ERCC6L2: variants seen among roughly 807,000 people sequenced by gnomAD.
The protein encoded by ERCC6L2 is ERCC excision repair 6 like 2.
Under a neutral mutation model 132.0 loss-of-function variants are expected in ERCC6L2, and 77 were observed. That is an observed-to-expected ratio of 0.58 (90% CI 0.49 to 0.71). The LOEUF is 0.71. ERCC6L2 is among the 30% of genes least tolerant of loss of function. The pLI, the probability that ERCC6L2 is intolerant of heterozygous loss-of-function variation, is 0.00. For synonymous variants in ERCC6L2, 583 were observed against 632.4 expected, an observed-to-expected ratio of 0.92 and a Z score of 1.17; for missense variants, 1,542 against 1,837.6, an observed-to-expected ratio of 0.84 and a Z score of 2.94.
downstream of ERCC6L2, chr9:96,021,449 C>T (rs1222405062): frequency 1.7e-5 from 4 of 230,386 alleles, no homozygotes; most frequent in Non-Finnish European, 3.4e-5. The surrounding 1 kb of genome is among the most constrained non-coding windows in gnomAD (Gnocchi z 4.7). Context: ...GGGAGGGCGG[C>T]GCAGCCCTCT....
chr9:96,017,114 G>C lies in ERCC6L2; in HGVS notation c.*3911G>C, dbSNP rs1834198210. On this transcript the variant is annotated 3_prime_UTR_variant, in exon 19 of 19. Coordinates refer to ENST00000653738, the MANE Select transcript of ERCC6L2 (RefSeq NM_020207.7). ...ATTCCATCATCACGGATACAGACTTGTTTCTGGTTTCATCTTCCACCAGAG... is the reference window on the plus strand; with the variant it reads ...ATTCCATCATCACGGATACAGACTTCTTTCTGGTTTCATCTTCCACCAGAG... Among the ~76,000 whole-genome samples, 1 of 152,108 alleles carries C rather than the reference G, an allele frequency of 6.6e-6. No homozygotes were observed. Among genetic ancestry groups the C allele is most frequent in the South Asian group, 2.1e-4 (1 of 4,820 alleles).
chr9:95,968,748 A>G (rs192338239), intron 14 of ERCC6L2: 1 of 152,312 alleles, frequency 6.6e-6, no homozygotes, highest in East Asian at 1.9e-4. Context: ...AGTTCATTTT[A>G]CAAGTATTTG....
intron 2 of ERCC6L2, among the ~76,000 whole-genome samples, chr9:95,889,467 ATG>A (rs150280157): frequency 8.0e-5 from 12 of 150,718 alleles, no homozygotes; most frequent in Admixed American, 4.0e-4. Context: ...CTGTCAATAT[ATG>A]TGTGTGTGTG....
At chr9:95,967,890 A>G (rs1390643355) in intron 14 of ERCC6L2, 12 of 152,138 alleles carry the variant, frequency 7.9e-5, no homozygotes. Context: ...TCAGAGTACT[A>G]CTTGACATGC....
At chr9:95,921,689 G>A (rs689619) in intron 7 of ERCC6L2, among the ~76,000 whole-genome samples, 40,104 of 152,042 alleles carry the variant, frequency 0.26, 5,892 homozygotes, top group East Asian at 0.4. Context: ...TCTGATGTTA[G>A]ATATAGTGTC....
At chr9:95,933,238 G>A (rs7874897) in intron 11 of ERCC6L2, among the ~76,000 whole-genome samples, 2 of 151,958 alleles carry the variant, frequency 1.3e-5, no homozygotes, top group African/African-American at 2.4e-5. Flanking sequence ...CTTTAACTTC[G>A]TTTCTGCTTT....
intron 13 of ERCC6L2, among the ~76,000 whole-genome samples, chr9:95,959,120 C>A (rs1831770146): frequency 6.6e-6 from 1 of 152,040 alleles, no homozygotes; most frequent in Non-Finnish European, 1.5e-5. Context: ...TGCTACCTGA[C>A]TTCAAACTAT....
chr9:95,880,086 A>G (rs1827507851), intron 1 of ERCC6L2, among the ~76,000 whole-genome samples: 1 of 152,180 alleles, frequency 6.6e-6, no homozygotes, highest in Non-Finnish European at 1.5e-5. Flanking sequence ...AAGTTCATAA[A>G]GAGAGAGGTA....
chr9:96,039,032 C>T lies in ERCC6L2; in HGVS notation c.*1660C>T, dbSNP rs573723415. On this transcript the variant is annotated 3_prime_UTR_variant and NMD_transcript_variant, in exon 20 of 21. Transcript: ENST00000670016. ...CACCTTGGAGACAGCTCCCCCAGCC[C>T]CAACACACGCAGATGATCATGGTCC... 38 of 426,432 alleles carry T rather than the reference C, an allele frequency of 8.9e-5. No homozygotes were observed. In the Admixed American group the frequency reaches 9.9e-4, roughly 11 times the overall value. The allele number at this position is 426,432 out of a possible 1,614,324, so 26.4% of individuals were successfully genotyped here.
intron 3 of ERCC6L2, 101 bp from the exon 4 acceptor site, chr9:95,906,977 A>G (rs1829069727): frequency 5.2e-6 from 4 of 776,110 alleles, no homozygotes; most frequent in Non-Finnish European, 6.3e-6. Flanking sequence ...CTAGATGTCA[A>G]AATTAAGGAA....
At chr9:96,038,897 C>A (rs1173167088) in exon 20 of ERCC6L2, 2 of 456,208 alleles carry the variant, frequency 4.4e-6, no homozygotes, top group African/African-American at 4.0e-5. Flanking sequence ...CCTTCTCAAA[C>A]TTGTTCTGGA....
intron 18 of ERCC6L2, among the ~76,000 whole-genome samples, chr9:96,005,037 G>A (rs1833819992): frequency 6.6e-6 from 1 of 152,194 alleles, no homozygotes; most frequent in Admixed American, 6.5e-5. Context: ...AGGACAGCAG[G>A]GTGCGGTGGC....
intron 17 of ERCC6L2, among the ~76,000 whole-genome samples, chr9:95,994,653 G>C (rs576153916): frequency 1.1e-4 from 16 of 152,320 alleles, no homozygotes; most frequent in East Asian, 1.9e-4. Flanking sequence ...ATACAGATGA[G>C]CAGGGGAGAA....
intron 2 of ERCC6L2, among the ~76,000 whole-genome samples, chr9:95,894,156 A>G (rs1268030273): frequency 1.3e-5 from 2 of 152,234 alleles, no homozygotes; most frequent in Non-Finnish European, 2.9e-5. Flanking sequence ...CCTGTTTCAT[A>G]CTAAAGTGTT....
rs1181210073 is a variant in ERCC6L2, at chr9:95,907,214, G to A, written c.731G>A (p.Cys244Tyr). Reference sequence around the variant, plus strand: ...TTAATTCGTGTAAAGCAGAGGAAATGTGAAATTGCTCTAACAACTTATGAA... The same window carrying A: ...TTAATTCGTGTAAAGCAGAGGAAATATGAAATTGCTCTAACAACTTATGAA... ...NELIRVKQRK[C>Y]EIALTTYETL... Residue 244 changes from cysteine to tyrosine, a missense_variant, in exon 4 of 19, where the codon TGT becomes TAT. Cys to Tyr is a radical substitution (Grantham distance 194, BLOSUM62 -2). Coordinates refer to ENST00000653738, the MANE Select transcript of ERCC6L2 (RefSeq NM_020207.7). The A allele has an allele frequency of 6.2e-7, 1 of 1,613,204 alleles. No homozygotes were observed. Among genetic ancestry groups the A allele is most frequent in the Admixed American group, 1.7e-5 (1 of 59,838 alleles).
rs184109140 is a variant in ERCC6L2, at chr9:96,017,959, C to T, written c.*4756C>T. On this transcript the variant is annotated 3_prime_UTR_variant, in exon 19 of 19. Transcript: ENST00000653738. The stretch of plus-strand genomic sequence containing the variant: ...CTACAACATAGATGAATCTTGAGGA[C>T]GGTATGCAAAGTGAAATAAATCAGA... 2.0e-3 allele frequency among the ~76,000 whole-genome samples: 309 copies of T among 152,190 alleles called. No homozygotes were observed. Among genetic ancestry groups the T allele is most frequent in the Non-Finnish European group, 3.3e-3 (227 of 68,018 alleles).
chr9:95,897,090 C>T (rs1437620134), intron 2 of ERCC6L2, among the ~76,000 whole-genome samples: 2 of 151,964 alleles, frequency 1.3e-5, no homozygotes, highest in Non-Finnish European at 1.5e-5. Flanking sequence ...AGGTAATGAT[C>T]AGTTATTTTC....
chr9:95,896,155 T>A (rs949418901), intron 2 of ERCC6L2, among the ~76,000 whole-genome samples: 2 of 152,210 alleles, frequency 1.3e-5, no homozygotes, highest in Non-Finnish European at 2.9e-5. Context: ...ACTAGAGTCA[T>A]TTTCCTTGTA....
At chr9:95,886,542 T>A (rs1280886991) in intron 2 of ERCC6L2, among the ~76,000 whole-genome samples, 1 of 152,186 alleles carries the variant, frequency 6.6e-6, no homozygotes, top group African/African-American at 2.4e-5. Flanking sequence ...CTGCCTTCTT[T>A]TGACTTAATA....
Sources: allele counts gnomAD v4.1 joint callset (sites outside exome capture counted in the v4.1 genomes callset), GRCh38; gene constraint gnomAD v4.1.1; non-coding constraint Gnocchi (gnomAD v3.1); transcripts MANE v1.5; gene names NCBI Gene and HGNC (gene_info 2026-07-23, HGNC 2026-07-21).